Variants in IL1RAPL2 observed in about 807,000 individuals in gnomAD.
IL1RAPL2 encodes the protein X-linked interleukin-1 receptor accessory protein-like 2.
A neutral mutation model predicts 44.1 loss-of-function variants in IL1RAPL2; 3 were observed. The observed-to-expected ratio is 0.07, with a 90% CI of 0.03 to 0.18. The LOEUF (loss-of-function observed/expected upper bound fraction) is 0.18, where lower values mean the gene tolerates loss of function less well. Among genes scored for constraint, IL1RAPL2 ranks in the 10% least tolerant of loss-of-function variants. The pLI, the probability that IL1RAPL2 is intolerant of heterozygous loss-of-function variation, is 1.00. For synonymous variants in IL1RAPL2, 181 were observed against 178.8 expected, an observed-to-expected ratio of 1.01 and a Z score of -0.10; for missense variants, 391 against 496.4, an observed-to-expected ratio of 0.79 and a Z score of 2.02.
At position 105,755,639 on chromosome X, in the gene IL1RAPL2, G is replaced by C. The variant is rs139796755; in HGVS notation, c.1363+292G>C. Among the ~76,000 whole-genome samples the C allele has an allele frequency of 7.0e-3, 783 of 111,648 alleles. 7 individuals carry two copies. The highest frequency in any genetic ancestry group is 0.024 in the African/African-American group (739 of 30,732). ...TGATCTTTTAAAAAAATCTGTAAAAGTTAGTTAAAGCCTTTTCAATATATT... is the reference window on the plus strand; with the variant it reads ...TGATCTTTTAAAAAAATCTGTAAAACTTAGTTAAAGCCTTTTCAATATATT... On this transcript the variant is annotated intron_variant, in intron 10 of 10. Coordinates refer to ENST00000372582, the MANE Select transcript of IL1RAPL2 (RefSeq NM_017416.2).
intron 2 of IL1RAPL2, among the ~76,000 whole-genome samples, chrX:105,187,871 T>C (rs922131226): frequency 8.9e-6 from 1 of 111,767 alleles, no homozygotes; most frequent in Non-Finnish European, 1.9e-5. Context: ...TTAAATGTTA[T>C]CACTACAAAA....
chrX:104,660,299 G>C (rs1164225304), intron 2 of IL1RAPL2, among the ~76,000 whole-genome samples: 1 of 110,113 alleles, frequency 9.1e-6, no homozygotes, highest in Non-Finnish European at 1.9e-5. Flanking sequence ...AAAATATTTA[G>C]AGAGATTGCT....
chrX:104,790,883 C>T (rs1169870802), intron 2 of IL1RAPL2, among the ~76,000 whole-genome samples: 1 of 111,692 alleles, frequency 9.0e-6, no homozygotes, highest in Non-Finnish European at 1.9e-5. Flanking sequence ...GTGCTGATTT[C>T]CACTCCAGCA....
chrX:105,440,732 A>G (rs1299711067), intron 5 of IL1RAPL2, among the ~76,000 whole-genome samples: 1 of 112,340 alleles, frequency 8.9e-6, no homozygotes, highest in African/African-American at 3.2e-5. Flanking sequence ...TCAATCGGTG[A>G]TATGGATTGT....
At chrX:105,698,676 G>C (rs180981047) in intron 6 of IL1RAPL2, among the ~76,000 whole-genome samples, 131 of 112,191 alleles carry the variant, frequency 1.2e-3, no homozygotes, top group African/African-American at 3.6e-3. Flanking sequence ...AACAGAAGTA[G>C]AAGTGAATGT....
chrX:104,951,403 T>C (rs765114295), intron 2 of IL1RAPL2, among the ~76,000 whole-genome samples: 4 of 112,245 alleles, frequency 3.6e-5, no homozygotes, highest in Admixed American at 1.9e-4. Context: ...CCTAAAATTT[T>C]GAGATTCTAT....
At chrX:105,311,538 T>C (rs2034796432) in intron 5 of IL1RAPL2, among the ~76,000 whole-genome samples, 1 of 108,496 alleles carries the variant, frequency 9.2e-6, no homozygotes, top group South Asian at 4.0e-4. Context: ...ACTTATAAAA[T>C]ATGGAAACTT....
At chrX:105,489,387 C>G (rs1320129075) in intron 6 of IL1RAPL2, among the ~76,000 whole-genome samples, 1 of 111,551 alleles carries the variant, frequency 9.0e-6, no homozygotes, top group African/African-American at 3.3e-5. Flanking sequence ...TATTTTACAC[C>G]TTTAATACAA....
chrX:104,613,380 T>C (rs1274231577), intron 1 of IL1RAPL2, among the ~76,000 whole-genome samples: 4 of 111,949 alleles, frequency 3.6e-5, no homozygotes, highest in Non-Finnish European at 5.6e-5. Flanking sequence ...CATGAGTAGA[T>C]GTTGAATTTT....
chrX:104,681,787 G>A (rs754610613), intron 2 of IL1RAPL2, among the ~76,000 whole-genome samples: 19 of 112,562 alleles, frequency 1.7e-4, no homozygotes, highest in African/African-American at 5.8e-4. Context: ...ACCAAGGCTG[G>A]CATGGACTCT....
chrX:104,657,542 C>T (rs1286163789), intron 1 of IL1RAPL2, among the ~76,000 whole-genome samples: 5 of 111,664 alleles, frequency 4.5e-5, no homozygotes, highest in African/African-American at 1.6e-4. Flanking sequence ...CTAGGCAATA[C>T]CATTCAGAAC....
chrX:105,222,851 A>T (rs181975502), intron 3 of IL1RAPL2, among the ~76,000 whole-genome samples: 1 of 111,685 alleles, frequency 9.0e-6, no homozygotes, highest in Non-Finnish European at 1.9e-5. Flanking sequence ...ACATATTAAC[A>T]TTAAAATACC....
At chrX:105,015,888 A>G (rs781725260) in intron 2 of IL1RAPL2, among the ~76,000 whole-genome samples, 3 of 111,636 alleles carry the variant, frequency 2.7e-5, no homozygotes, top group Non-Finnish European at 5.7e-5. Context: ...CATTGAATCT[A>G]TAAATTACTT....
intron 6 of IL1RAPL2, among the ~76,000 whole-genome samples, chrX:105,541,333 G>T (rs1406687741): frequency 9.0e-6 from 1 of 110,722 alleles, no homozygotes; most frequent in Non-Finnish European, 1.9e-5. Context: ...ACTTGAGGTG[G>T]ACTTTTAAGG....
At chrX:104,850,706 T>A (rs1922202284) in intron 2 of IL1RAPL2, among the ~76,000 whole-genome samples, 4 of 111,762 alleles carry the variant, frequency 3.6e-5, no homozygotes, top group African/African-American at 1.3e-4. Flanking sequence ...GAGACTCTTT[T>A]TAAAAAATCT....
chrX:105,299,838 T>C (rs1367385336), intron 5 of IL1RAPL2, among the ~76,000 whole-genome samples: 2 of 111,921 alleles, frequency 1.8e-5, no homozygotes, highest in African/African-American at 3.3e-5. Context: ...ATGCAATTCT[T>C]GTCAACCCTG....
At chrX:105,554,301 C>A (rs1401840139) in intron 6 of IL1RAPL2, among the ~76,000 whole-genome samples, 1 of 112,477 alleles carries the variant, frequency 8.9e-6, no homozygotes, top group Non-Finnish European at 1.9e-5. Flanking sequence ...ATCCCTCTGG[C>A]TACTATAAAA....
chrX:105,374,945 C>CAAA (rs149097097), intron 5 of IL1RAPL2, among the ~76,000 whole-genome samples: 3 of 29,077 alleles, frequency 1.0e-4, no homozygotes, highest in African/African-American at 8.5e-5. Flanking sequence ...GACTCCATCT[C>CAAA]AAAAAAAAAA....
At position 104,917,660 on chromosome X, in the gene IL1RAPL2, G is replaced by A. The variant is rs193194870; in HGVS notation, c.82+258665G>A. On this transcript the variant is annotated intron_variant, in intron 2 of 10. Transcript: ENST00000372582. ...TTATCTTATTGGCCCTGGTAGAAAT[G>A]CCTAATTGCCCTTTGGAGTAGTCTA... is the stretch of plus-strand genomic sequence containing the variant. Among the ~76,000 whole-genome samples the A allele has an allele frequency of 2.7e-5, 3 of 111,867 alleles. No individual in the cohort carries two copies. In the East Asian group the frequency reaches 8.5e-4, roughly 32 times the overall value.
Sources: gnomAD v4.1 joint callset for allele counts (sites outside exome capture counted in the v4.1 genomes callset) on GRCh38, gnomAD v4.1.1 for gene constraint, MANE v1.5 for transcripts, NCBI Gene and HGNC (gene_info 2026-07-23, HGNC 2026-07-21) for gene names.